Variants in CUBN observed in about 807,000 individuals in gnomAD.
CUBN encodes the protein 460 kDa receptor.
Under a neutral mutation model 405.3 loss-of-function variants are expected in CUBN, and 282 were observed. The ratio of observed to expected loss-of-function variants is 0.70; its 90% CI spans 0.63 to 0.77. The LOEUF is 0.77. Among genes scored for constraint, CUBN ranks in the 30% least tolerant of loss-of-function variants. The probability of loss-of-function intolerance (pLI) is 0.00; values close to 1 mark genes in which losing one functional copy is unlikely to be tolerated. For synonymous variants in CUBN, 1,684 were observed against 1,617.0 expected, an observed-to-expected ratio of 1.04 and a Z score of -0.99; for missense variants, 4,514 against 4,475.2, an observed-to-expected ratio of 1.01 and a Z score of -0.25.
At position 16,928,221 on chromosome 10, in the gene CUBN, C is replaced by T. The variant is rs1178692764; in HGVS notation, c.6207G>A (p.Met2069Ile). The T allele has an allele frequency of 9.3e-6, 15 of 1,613,874 alleles. No homozygotes were observed. The highest frequency in any genetic ancestry group is 1.7e-5 in the Admixed American group (1 of 59,978). ...PGPIRSTGEYMFIRFTSDSSV... is the reference protein window; with the variant it reads ...PGPIRSTGEYIFIRFTSDSSV... ...TGGAGTCCGAGGTGAAGCGGATGAACATGTACTCTCCAGTAGACCGGATGG... is the reference window on the plus strand; with the variant it reads ...TGGAGTCCGAGGTGAAGCGGATGAATATGTACTCTCCAGTAGACCGGATGG... The change falls in exon 41 of 67, where the codon ATG becomes ATA. Residue 2069 changes from methionine to isoleucine, a missense_variant. By Grantham distance (10) the Met-to-Ile change is conservative. Coordinates refer to ENST00000377833, the MANE Select transcript of CUBN (RefSeq NM_001081.4).
At position 16,950,131 on chromosome 10, in the gene CUBN, ACTCT is replaced by A. The variant is rs767337907; in HGVS notation, c.4970-24_4970-21del. The A allele has an allele frequency of 1.3e-6, 2 of 1,571,972 alleles. No homozygotes were observed. Among genetic ancestry groups the A allele is most frequent in the Non-Finnish European group, 1.7e-6 (2 of 1,144,718 alleles). On this transcript the variant is annotated intron_variant, in intron 33 of 66. Coordinates refer to ENST00000377833, the MANE Select transcript of CUBN (RefSeq NM_001081.4). ...GATTTACTGGAAGAAAAAAGAGAAGACTCTCTCGTAAAGTACTGGCAAATAAAAC... is the reference window on the plus strand; with the variant it reads ...GATTTACTGGAAGAAAAAAGAGAAGACTCGTAAAGTACTGGCAAATAAAAC...
rs1337544020 is a variant in CUBN, at chr10:16,824,608, C to G, written c.*367G>C. The G allele has an allele frequency of 3.2e-6, 1 of 316,698 alleles. No homozygotes were observed. The highest frequency in any genetic ancestry group is 6.2e-6 in the Non-Finnish European group (1 of 160,696). 19.6% of individuals were successfully genotyped at this position (316,698 alleles called of 1,614,324 possible). On this transcript the variant is annotated 3_prime_UTR_variant, in exon 67 of 67. Transcript: ENST00000377833. ...TGATCTTAGCTCACTGCAACCTCTG[C>G]CTCCTGGGTTCAAGCAATTCTCCTG... is the stretch of plus-strand genomic sequence containing the variant.
At chr10:16,832,401 G>A (rs1426489007) in intron 64 of CUBN, among the ~76,000 whole-genome samples, 1 of 152,186 alleles carries the variant, frequency 6.6e-6, no homozygotes, top group African/African-American at 2.4e-5. Flanking sequence ...TGTTGATCAG[G>A]TGAGATTCCT....
At chr10:16,844,341 C>T (rs1026777722) in intron 60 of CUBN, among the ~76,000 whole-genome samples, 2 of 151,954 alleles carry the variant, frequency 1.3e-5, no homozygotes, top group Non-Finnish European at 2.9e-5. Context: ...TAATAAATGC[C>T]AGGCCATGGA....
chr10:16,846,655 T>C (rs1839516660), intron 60 of CUBN, among the ~76,000 whole-genome samples: 1 of 151,702 alleles, frequency 6.6e-6, no homozygotes, highest in Non-Finnish European at 1.5e-5. Context: ...CTACTAAAAA[T>C]ACAAAAATTA....
Position 16,952,315 on chromosome 10 carries a change from T to G in CUBN, c.4930A>C (p.Asn1644His), listed in dbSNP as rs1173254554. 2 of 1,613,996 alleles carry G rather than the reference T, an allele frequency of 1.2e-6. No individual in the cohort carries two copies. Among genetic ancestry groups the G allele is most frequent in the African/African-American group, 2.7e-5 (2 of 75,030 alleles). The change falls in exon 33 of 67, where the codon AAT becomes CAT. Residue 1644 changes from asparagine to histidine, a missense_variant. Physicochemically the swap from Asn to His is moderately conservative, Grantham distance 68. Around this residue, in one of 5 missense-constraint regions of CUBN, gnomAD observed 1,613 missense variants for 1,542.8 expected, o/e 1.05. Coordinates refer to ENST00000377833, the MANE Select transcript of CUBN (RefSeq NM_001081.4). Reference protein sequence around the residue: ...SPRFPANYPNNQNCSWIIQAQ... With the variant: ...SPRFPANYPNHQNCSWIIQAQ... ...TGAATGATCCAGCTGCAGTTCTGAT[T>G]GTTTGGATAATTGGCAGGGAACCGT...
chr10:16,825,673 G>GTA (rs1838753778), intron 66 of CUBN, among the ~76,000 whole-genome samples: 1 of 145,810 alleles, frequency 6.9e-6, no homozygotes, highest in Non-Finnish European at 1.5e-5. Flanking sequence ...GTGTGTGTGT[G>GTA]TTGGGGGGAT....
rs1236119673 is a variant in CUBN, at chr10:16,925,749, G to C, written c.6297C>G (p.Asp2099Glu). Residue 2099 changes from aspartate to glutamate, a missense_variant, in exon 42 of 67, where the codon GAC becomes GAG. Coordinates refer to ENST00000377833, the MANE Select transcript of CUBN (RefSeq NM_001081.4). ...HKSCGGYLHA[D>E]RGIITSPKYP... ...ACTTGGGGGACGTGATGATCCCTCT[G>C]TCTGCATGCAAATATCCACCGCAGC... 1 of 1,613,952 alleles carries C rather than the reference G, an allele frequency of 6.2e-7. No homozygotes were observed. Among genetic ancestry groups the C allele is most frequent in the Admixed American group, 1.7e-5 (1 of 60,000 alleles).
intron 22 of CUBN, among the ~76,000 whole-genome samples, chr10:17,049,506 G>T (rs1200857507): frequency 6.6e-6 from 1 of 152,040 alleles, no homozygotes; most frequent in Non-Finnish European, 1.5e-5. Flanking sequence ...GACATTTTGG[G>T]GCAATAATGA....
intron 31 of CUBN, among the ~76,000 whole-genome samples, chr10:16,968,230 C>A (rs577320806): frequency 6.6e-6 from 1 of 152,068 alleles, no homozygotes; most frequent in Non-Finnish European, 1.5e-5. Context: ...AAAGAGGATG[C>A]TGCGTTAGGT....
At chr10:16,929,257 C>A (rs951947099) in intron 40 of CUBN, among the ~76,000 whole-genome samples, 1 of 152,126 alleles carries the variant, frequency 6.6e-6, no homozygotes, top group African/African-American at 2.4e-5. Flanking sequence ...ACAGCAGGGG[C>A]ACCACACGTC....
At chr10:17,051,110 C>T (rs1167883909) in intron 22 of CUBN, among the ~76,000 whole-genome samples, 1 of 151,710 alleles carries the variant, frequency 6.6e-6, no homozygotes, top group African/African-American at 2.4e-5. Context: ...ACCTGTAATC[C>T]CAGCACTTTA....
Position 17,045,981 on chromosome 10 carries a change from A to G in CUBN, c.3443T>C (p.Ile1148Thr), listed in dbSNP as rs890678461. Residue 1148 changes from isoleucine (I) to threonine (T), a missense_variant, in exon 24 of 67, where the codon ATA (isoleucine) becomes ACA (threonine). Around this residue, in one of 5 missense-constraint regions of CUBN, gnomAD observed 1,448 missense variants for 1,388.0 expected, o/e 1.04. Coordinates refer to ENST00000377833, the MANE Select transcript of CUBN (RefSeq NM_001081.4). ...KLWLKFKSDQ[I>T]DTRSGFSAYW... is the part of the protein sequence containing the mutation. The stretch of plus-strand genomic sequence containing the variant: ...AGCTGAGAATCCAGACCTTGTGTCT[A>G]TTTGGTCACTCTTAAATTTTAACCA... 25 of 1,613,868 alleles carry G rather than the reference A, an allele frequency of 1.5e-5. No individual in the cohort carries two copies. Among genetic ancestry groups the G allele is most frequent in the Non-Finnish European group, 1.7e-5 (20 of 1,179,946 alleles).
rs750467327 is a variant in CUBN, at chr10:17,019,929, G to T, written c.4072C>A (p.Pro1358Thr). ...AGCTTGGAGCTTGTAGTACTCCCTG[G>T]AGGGGGCAGGTCTACTCCACAGTAG... Reference protein sequence around the residue: ...GRYCGVDLPPPGSTTSSKLQV... With the variant: ...GRYCGVDLPPTGSTTSSKLQV... Residue 1358 changes from proline (P) to threonine (T), a missense_variant, in exon 28 of 67, where the codon CCA (proline) becomes ACA (threonine). Physicochemically the swap from Pro to Thr is conservative, Grantham distance 38. This residue lies in a region of CUBN where 242 missense variants were observed against 309.0 expected (regional missense o/e 0.78). Coordinates refer to ENST00000377833, the MANE Select transcript of CUBN (RefSeq NM_001081.4). 2.5e-6 allele frequency: 4 copies of T among 1,614,028 alleles called. No individual in the cohort carries two copies. The African/African-American group carries it at 4.0e-5, about 16-fold the overall frequency.
chr10:16,981,970 T>A (rs1453308503), intron 31 of CUBN, among the ~76,000 whole-genome samples: 1 of 152,172 alleles, frequency 6.6e-6, no homozygotes, highest in Non-Finnish European at 1.5e-5. Flanking sequence ...CCTGTGAAAA[T>A]CCCAGATGCT....
chr10:17,068,593 A>T lies in CUBN; in HGVS notation c.2791+12T>A. 1 of 1,600,744 alleles carries T rather than the reference A, an allele frequency of 6.2e-7. No homozygotes were observed. Among genetic ancestry groups the T allele is most frequent in the South Asian group, 1.1e-5 (1 of 89,334 alleles). ...CCAAGAGGAGGAAAAAAAAAAGGGA[A>T]CAGTCTCTTACCCAAATCCTCAGCA... On this transcript the variant is annotated intron_variant, in intron 20 of 66. Coordinates refer to ENST00000377833, the MANE Select transcript of CUBN (RefSeq NM_001081.4).
At chr10:16,974,259 C>T (rs11254307) in intron 31 of CUBN, among the ~76,000 whole-genome samples, 56,387 of 151,908 alleles carry the variant, frequency 0.37, 10,830 homozygotes, top group South Asian at 0.44. Flanking sequence ...CCAGGCTCAG[C>T]CCCAGAACCA....
chr10:17,107,505 T>C (rs1176978993), intron 10 of CUBN, among the ~76,000 whole-genome samples: 1 of 148,638 alleles, frequency 6.7e-6, no homozygotes. Context: ...TTTTTTTTTT[T>C]TTTTTTTTTT....
chr10:17,097,262 A>C (rs1836396154), intron 14 of CUBN, among the ~76,000 whole-genome samples: 1 of 152,130 alleles, frequency 6.6e-6, no homozygotes, highest in Non-Finnish European at 1.5e-5. Context: ...AGACGACATC[A>C]CTACAGAGCC....
Sources: gnomAD v4.1 joint callset for allele counts (sites outside exome capture counted in the v4.1 genomes callset) on GRCh38, gnomAD v4.1.1 for gene constraint, gnomAD v4.1.1 regional missense constraint, MANE v1.5 for transcripts, NCBI Gene and HGNC (gene_info 2026-07-23, HGNC 2026-07-21) for gene names.